The following RALGPS1 variants were observed in gnomAD, a reference collection of about 807,000 sequenced individuals.
The protein encoded by RALGPS1 is ras-specific guanine nucleotide-releasing factor RalGPS1.
Under a neutral mutation model 78.8 loss-of-function variants are expected in RALGPS1, and 19 were observed. That is an observed-to-expected ratio of 0.24 (90% CI 0.17 to 0.35). RALGPS1 has a LOEUF of 0.35. Among genes scored for constraint, RALGPS1 ranks in the 10% least tolerant of loss-of-function variants. The pLI is 1.00. For missense variants in RALGPS1, 454 were observed against 688.3 expected, an observed-to-expected ratio of 0.66 and a Z score of 3.81; for synonymous variants, 228 against 256.3, an observed-to-expected ratio of 0.89 and a Z score of 1.06.
At chr9:127,108,125 G>A in intron 8 of RALGPS1, 1 of 1,613,846 alleles carries the variant, frequency 6.2e-7, no homozygotes, top group Non-Finnish European at 8.5e-7. Flanking sequence ...CTCTGGCAGT[G>A]CTCCTCAAGC....
intron 4 of RALGPS1, among the ~76,000 whole-genome samples, chr9:127,002,379 G>A (rs2043393811): frequency 6.6e-6 from 1 of 150,510 alleles, no homozygotes; most frequent in Non-Finnish European, 1.5e-5. Context: ...AATGGTGATG[G>A]ATATTTTGGG....
chr9:127,120,862 TC>T (rs1037744196), intron 8 of RALGPS1, among the ~76,000 whole-genome samples: 1 of 152,104 alleles, frequency 6.6e-6, no homozygotes, highest in Non-Finnish European at 1.5e-5. Flanking sequence ...TCTCTGCTCT[TC>T]CCTTCCCTCT....
chr9:127,205,469 A>C lies in RALGPS1; in HGVS notation c.1247+6403A>C, dbSNP rs900301936. ...TCTGCAGAGAGAAGAGTGCACAAAG[A>C]ACCCCTGGCCTCTAGGTGCCAGGGC... On this transcript the variant is annotated intron_variant, in intron 14 of 18. Transcript: ENST00000259351. This position sits in a 1 kb window ranked among gnomAD's most constrained non-coding sequence, Gnocchi z 4.0. 5.9e-5 allele frequency among the ~76,000 whole-genome samples: 9 copies of C among 152,226 alleles called. No homozygotes were observed. Among genetic ancestry groups the C allele is most frequent in the Non-Finnish European group, 7.3e-5 (5 of 68,042 alleles).
chr9:126,967,355 TC>T (rs1258004174), intron 3 of RALGPS1, among the ~76,000 whole-genome samples: 2 of 152,180 alleles, frequency 1.3e-5, no homozygotes, highest in African/African-American at 4.8e-5. Context: ...CTCACCTGCA[TC>T]CTCTGTCCTT....
intron 8 of RALGPS1, among the ~76,000 whole-genome samples, chr9:127,144,511 C>A (rs1249949855): frequency 1.3e-5 from 2 of 152,032 alleles, no homozygotes; most frequent in African/African-American, 4.8e-5. Context: ...GGTATATACC[C>A]AAAAGTAAAA....
At chr9:126,983,057 C>T (rs1450880527) in intron 4 of RALGPS1, among the ~76,000 whole-genome samples, 1 of 150,516 alleles carries the variant, frequency 6.6e-6, no homozygotes, top group Admixed American at 6.7e-5. Flanking sequence ...CTGCCTCAGC[C>T]TCCCAAGTAG....
At chr9:126,982,969 T>A (rs2041458595) in intron 4 of RALGPS1, among the ~76,000 whole-genome samples, 1 of 131,146 alleles carries the variant, frequency 7.6e-6, no homozygotes, top group Non-Finnish European at 1.6e-5. Context: ...GGAGTTTCGC[T>A]CTTGTTGCCC....
In RALGPS1 at chr9:127,205,074, A is replaced by C. The variant is rs1247020159; in HGVS notation, c.1247+6008A>C. On this transcript the variant is annotated intron_variant, in intron 14 of 18. Coordinates refer to ENST00000259351, the MANE Select transcript of RALGPS1 (RefSeq NM_014636.3). The surrounding 1 kb of genome is among the most constrained non-coding windows in gnomAD (Gnocchi z 4.0). ...GTCCCCCACACCTGTGGCTGAGGCCAGGATCCCAGGCTCTCATTCTTCCCC... is the reference window on the plus strand; with the variant it reads ...GTCCCCCACACCTGTGGCTGAGGCCCGGATCCCAGGCTCTCATTCTTCCCC... Among the ~76,000 whole-genome samples the C allele has an allele frequency of 6.6e-6, 1 of 152,232 alleles. No homozygotes were observed. Among genetic ancestry groups the C allele is most frequent in the Non-Finnish European group, 1.5e-5 (1 of 68,036 alleles).
chr9:127,146,000 C>T (rs2058071034), intron 8 of RALGPS1, among the ~76,000 whole-genome samples: 1 of 152,212 alleles, frequency 6.6e-6, no homozygotes, highest in Admixed American at 6.5e-5. Flanking sequence ...AAGCAGGAAT[C>T]GTATTGGTTT....
At chr9:127,191,705 T>TG (rs966945859) in intron 11 of RALGPS1, among the ~76,000 whole-genome samples, 6 of 148,610 alleles carry the variant, frequency 4.0e-5, no homozygotes, top group Non-Finnish European at 9.0e-5. Flanking sequence ...TTTTTGTTTT[T>TG]TTTTTTTTTT....
At position 127,212,677 on chromosome 9, in the gene RALGPS1, G is replaced by A. The variant is rs2062342427; in HGVS notation, c.1404G>A (p.Leu468=). ...YWVILSGSTL[L]YYGAKSLRGT... is the part of the protein sequence containing the mutation. ...TCATACTCTCAGGATCCACCCTCCT[G>A]TACTACGGAGCCAAGTCCTTGCGGG... The change falls in exon 16 of 19, where the codon CTG becomes CTA. Residue 468 remains leucine (L), a synonymous_variant. Transcript: ENST00000259351. The surrounding 1 kb of genome is among the most constrained non-coding windows in gnomAD (Gnocchi z 6.0). The A allele has an allele frequency of 1.2e-6, 2 of 1,613,628 alleles. No individual in the cohort carries two copies. Among genetic ancestry groups the A allele is most frequent in the African/African-American group, 1.3e-5 (1 of 74,916 alleles).
rs1047523220 is a variant in RALGPS1, at chr9:127,205,737, T to C, written c.1248-6394T>C. 1.3e-5 allele frequency among the ~76,000 whole-genome samples: 2 copies of C among 152,236 alleles called. No homozygotes were observed. Among genetic ancestry groups the C allele is most frequent in the Admixed American group, 6.5e-5 (1 of 15,282 alleles). On this transcript the variant is annotated intron_variant, in intron 14 of 18. Transcript: ENST00000259351. The surrounding 1 kb of genome is among the most constrained non-coding windows in gnomAD (Gnocchi z 4.0). The stretch of plus-strand genomic sequence containing the variant: ...ACTTCTCAGTGCACAGAGGGGAAGA[T>C]GGATGATGCCTCATGGCAACTTGGG...
chr9:127,060,338 G>A (rs1445605741), intron 7 of RALGPS1, among the ~76,000 whole-genome samples: 2 of 152,128 alleles, frequency 1.3e-5, no homozygotes, highest in East Asian at 3.9e-4. Flanking sequence ...ATTTGTGTGG[G>A]GACCTCAGAC....
chr9:127,102,189 T>A (rs2053800291), intron 8 of RALGPS1, among the ~76,000 whole-genome samples: 1 of 152,182 alleles, frequency 6.6e-6, no homozygotes, highest in Non-Finnish European at 1.5e-5. Flanking sequence ...CTGAACATAG[T>A]CCATTTTCTG....
At chr9:126,995,476 G>A in intron 4 of RALGPS1, among the ~76,000 whole-genome samples, 1 of 152,156 alleles carries the variant, frequency 6.6e-6, no homozygotes, top group Non-Finnish European at 1.5e-5. Flanking sequence ...AACAAGAAGA[G>A]CTAACTATCC....
At chr9:126,960,537 CCT>C (rs1293126613) in intron 1 of RALGPS1, among the ~76,000 whole-genome samples, 1 of 151,950 alleles carries the variant, frequency 6.6e-6, no homozygotes, top group Non-Finnish European at 1.5e-5. Flanking sequence ...CCTGGCCACC[CCT>C]GTTTCTTTGA....
intron 8 of RALGPS1, among the ~76,000 whole-genome samples, chr9:127,129,486 CCAT>C (rs2056860399): frequency 1.3e-5 from 2 of 152,168 alleles, no homozygotes; most frequent in African/African-American, 4.8e-5. Context: ...GCTGAAATTC[CCAT>C]TCCAAAGACC....
intron 14 of RALGPS1, among the ~76,000 whole-genome samples, chr9:127,204,144 C>A (rs776510509): frequency 6.6e-6 from 1 of 152,174 alleles, no homozygotes; most frequent in East Asian, 1.9e-4. Context: ...GGTGGAGCTA[C>A]CACATCTGAG....
intron 17 of RALGPS1, 148 bp downstream of exon 17, chr9:127,213,197 C>G (rs1173083495): frequency 1.4e-6 from 2 of 1,439,886 alleles, no homozygotes; most frequent in African/African-American, 2.9e-5. Flanking sequence ...CCATGCTAGT[C>G]CACAAAAGCT....
Sources: gnomAD v4.1 joint callset for allele counts (sites outside exome capture counted in the v4.1 genomes callset) on GRCh38, gnomAD v4.1.1 for gene constraint, Gnocchi (gnomAD v3.1) non-coding constraint, MANE v1.5 for transcripts, NCBI Gene and HGNC (gene_info 2026-07-23, HGNC 2026-07-21) for gene names.